CNTN4: variants seen among roughly 807,000 people sequenced by gnomAD.
The protein encoded by CNTN4 is contactin-4.
Under a neutral mutation model 122.5 loss-of-function variants are expected in CNTN4, and 77 were observed. The observed-to-expected ratio is 0.63, with a 90% CI of 0.52 to 0.76. The LOEUF is 0.76. CNTN4 is among the 30% of genes least tolerant of loss of function. The pLI, the probability that CNTN4 is intolerant of heterozygous loss-of-function variation, is 0.00. For synonymous variants in CNTN4, 512 were observed against 447.0 expected (o/e 1.15, Z -1.83); for missense variants, 1,256 against 1,259.1 (o/e 1.00, Z 0.04).
chr3:2,566,603 G>C (rs951803386), intron 3 of CNTN4, among the ~76,000 whole-genome samples: 1 of 152,052 alleles, frequency 6.6e-6, no homozygotes, highest in Non-Finnish European at 1.5e-5. Flanking sequence ...TCTATTTGGT[G>C]GGGGCCAGGA....
chr3:2,745,432 A>G (rs976561002), intron 5 of CNTN4, 90 bp from the exon 6 acceptor site: 1 of 1,077,034 alleles, frequency 9.3e-7, no homozygotes, highest in African/African-American at 1.6e-5. Context: ...ATGATTTTTC[A>G]TGCTATTTAT....
At chr3:2,351,538 A>G (rs1446836675) in intron 3 of CNTN4, among the ~76,000 whole-genome samples, 1 of 152,234 alleles carries the variant, frequency 6.6e-6, no homozygotes, top group Non-Finnish European at 1.5e-5. Flanking sequence ...CAGAAAGTAA[A>G]TATGTATGAT....
At chr3:2,190,454 G>A (rs2037476870) in intron 2 of CNTN4, among the ~76,000 whole-genome samples, 1 of 151,990 alleles carries the variant, frequency 6.6e-6, no homozygotes, top group African/African-American at 2.4e-5. Flanking sequence ...AAGTTGAGCT[G>A]GAGCTCATCC....
At chr3:2,369,019 G>T (rs1030988379) in intron 3 of CNTN4, among the ~76,000 whole-genome samples, 2 of 152,092 alleles carry the variant, frequency 1.3e-5, no homozygotes, top group Non-Finnish European at 2.9e-5. Context: ...CCGCCTCCCA[G>T]GTTCAAGTGA....
intron 3 of CNTN4, among the ~76,000 whole-genome samples, chr3:2,393,441 A>T (rs2046519946): frequency 6.6e-6 from 1 of 152,172 alleles, no homozygotes; most frequent in Non-Finnish European, 1.5e-5. Flanking sequence ...CATATGGCAG[A>T]TAGTAATCAG....
At chr3:2,540,292 G>T (rs1445208646) in intron 3 of CNTN4, among the ~76,000 whole-genome samples, 3 of 151,946 alleles carry the variant, frequency 2.0e-5, no homozygotes, top group Admixed American at 6.6e-5. Context: ...CCCAAGGTTT[G>T]GTTACGTGGG....
chr3:2,122,087 G>A (rs1222118671), intron 2 of CNTN4, among the ~76,000 whole-genome samples: 10 of 151,692 alleles, frequency 6.6e-5, no homozygotes, highest in African/African-American at 9.7e-5. Flanking sequence ...CCCGGGAGGC[G>A]GAGCTTGCAG....
At chr3:2,137,711 G>A (rs947337463) in intron 2 of CNTN4, among the ~76,000 whole-genome samples, 15 of 152,194 alleles carry the variant, frequency 9.9e-5, no homozygotes, top group African/African-American at 3.6e-4. Context: ...TAAGCAGGAA[G>A]AAATGAATTT....
chr3:2,101,681 G>A (rs894828475), intron 2 of CNTN4, among the ~76,000 whole-genome samples: 1 of 151,960 alleles, frequency 6.6e-6, no homozygotes, highest in African/African-American at 2.4e-5. Flanking sequence ...ACTATCAGAA[G>A]AAATCTGACA....
At chr3:2,498,872 C>T (rs562964202) in intron 3 of CNTN4, among the ~76,000 whole-genome samples, 5 of 151,062 alleles carry the variant, frequency 3.3e-5, no homozygotes, top group Non-Finnish European at 7.4e-5. Context: ...TCACTGCAAC[C>T]TCCACCTCCC....
intron 4 of CNTN4, among the ~76,000 whole-genome samples, chr3:2,648,587 C>T (rs1184014333): frequency 1.3e-5 from 2 of 152,142 alleles, no homozygotes; most frequent in South Asian, 2.1e-4. Context: ...TCTGGCTGCC[C>T]CACTGGCTGG....
intron 13 of CNTN4, among the ~76,000 whole-genome samples, chr3:2,972,656 C>A (rs905897946): frequency 3.9e-5 from 6 of 152,076 alleles, no homozygotes; most frequent in Non-Finnish European, 8.8e-5. Flanking sequence ...ACAAAAGCCC[C>A]ATTTACCAGA....
At chr3:2,348,641 C>CTG (rs1037343709) in intron 3 of CNTN4, among the ~76,000 whole-genome samples, 41 of 151,970 alleles carry the variant, frequency 2.7e-4, no homozygotes, top group Admixed American at 2.0e-3. Flanking sequence ...CATTATTTTT[C>CTG]TGTGCCTTTA....
At chr3:2,544,756 C>T (rs943156408) in intron 3 of CNTN4, among the ~76,000 whole-genome samples, 1 of 150,696 alleles carries the variant, frequency 6.6e-6, no homozygotes, top group Non-Finnish European at 1.5e-5. Context: ...TGGATCTCTG[C>T]TCTTTTTTTT....
chr3:2,163,195 G>C (rs2036039825), intron 2 of CNTN4, among the ~76,000 whole-genome samples: 1 of 152,112 alleles, frequency 6.6e-6, no homozygotes, highest in Non-Finnish European at 1.5e-5. Flanking sequence ...CAGAAATAAA[G>C]CCAAATACTC....
At chr3:2,525,582 A>T (rs1178996447) in intron 3 of CNTN4, among the ~76,000 whole-genome samples, 4 of 152,166 alleles carry the variant, frequency 2.6e-5, no homozygotes, top group African/African-American at 9.6e-5. Flanking sequence ...TGTTGAACAC[A>T]AGGTGTAAAA....
chr3:2,614,470 T>G (rs940783088), intron 4 of CNTN4, among the ~76,000 whole-genome samples: 6 of 152,068 alleles, frequency 3.9e-5, no homozygotes, highest in Admixed American at 2.0e-4. Flanking sequence ...AGGGAAACAA[T>G]TGAAGTACAA....
In CNTN4 at chr3:2,585,571, G is replaced by A. The variant is rs532733838; in HGVS notation, c.55+14013G>A. ...GGATGAAGCTGGAAACCATCATTCT[G>A]AGCAAACTATCGCATGGACAAAAAA... On this transcript the variant is annotated intron_variant, in intron 4 of 24. Transcript: ENST00000418658. Among the ~76,000 whole-genome samples, 3 of 151,634 alleles carry A rather than the reference G, an allele frequency of 2.0e-5. No homozygotes were observed. The South Asian group carries it at 6.3e-4, about 32-fold the overall frequency.
chr3:2,495,268 T>C (rs2076424352), intron 3 of CNTN4, among the ~76,000 whole-genome samples: 1 of 152,236 alleles, frequency 6.6e-6, no homozygotes, highest in South Asian at 2.1e-4. Flanking sequence ...ATTTCCCTTT[T>C]CTAATTTCCC....
Sources: gnomAD v4.1 joint callset for allele counts (sites outside exome capture counted in the v4.1 genomes callset) on GRCh38, gnomAD v4.1.1 for gene constraint, MANE v1.5 for transcripts, NCBI Gene and HGNC (gene_info 2026-07-23, HGNC 2026-07-21) for gene names.